COL24A1: variants seen among roughly 807,000 people sequenced by gnomAD.
The protein encoded by COL24A1 is collagen alpha-1(XXIV) chain.
A neutral mutation model predicts 253.9 loss-of-function variants in COL24A1; 224 were observed. That is an observed-to-expected ratio of 0.88 (90% CI 0.79 to 0.99). The LOEUF is 0.99. Among genes scored for constraint, COL24A1 ranks in the 50% least tolerant of loss-of-function variants. The pLI, the probability that COL24A1 is intolerant of heterozygous loss-of-function variation, is 0.00. For synonymous variants in COL24A1, 685 were observed against 673.7 expected (o/e 1.02, Z -0.26); for missense variants, 2,131 against 2,068.5 (o/e 1.03, Z -0.59).
chr1:85,772,898 C>T (rs892096536), intron 53 of COL24A1, among the ~76,000 whole-genome samples: 1 of 152,102 alleles, frequency 6.6e-6, no homozygotes, highest in Admixed American at 6.6e-5. Flanking sequence ...TCAATTTTGG[C>T]TTTTGTTGTC....
At chr1:86,114,836 G>A (rs985737939) in intron 4 of COL24A1, among the ~76,000 whole-genome samples, 1 of 152,016 alleles carries the variant, frequency 6.6e-6, no homozygotes, top group Admixed American at 6.6e-5. Flanking sequence ...TTTTAACATA[G>A]CAATAAGTCT....
chr1:85,817,321 A>G (rs1673138859), intron 46 of COL24A1, among the ~76,000 whole-genome samples: 1 of 152,208 alleles, frequency 6.6e-6, no homozygotes, highest in Non-Finnish European at 1.5e-5. Context: ...TTCAGCTGCC[A>G]CTTTGAATCA....
At chr1:85,899,028 A>G (rs756290442) in intron 28 of COL24A1, among the ~76,000 whole-genome samples, 6 of 152,208 alleles carry the variant, frequency 3.9e-5, no homozygotes, top group Non-Finnish European at 8.8e-5. Flanking sequence ...CCGAAGATGA[A>G]AAAAGAACAG....
intron 35 of COL24A1, 93 bp downstream of exon 35, chr1:85,874,556 A>C (rs1680909949): frequency 1.8e-6 from 2 of 1,129,624 alleles, no homozygotes; most frequent in South Asian, 3.0e-5. Context: ...AGAAAGGTTT[A>C]TTATCCAATT....
intron 39 of COL24A1, among the ~76,000 whole-genome samples, chr1:85,846,513 T>C (rs145233599): frequency 2.1e-3 from 322 of 151,986 alleles, no homozygotes; most frequent in African/African-American, 7.4e-3. Context: ...ATATTAATAT[T>C]TTAAGCATAT....
At chr1:85,781,343 T>G in intron 51 of COL24A1, 70 bp from the exon 52 acceptor site, 9 of 1,063,342 alleles carry the variant, frequency 8.5e-6, no homozygotes, top group Non-Finnish European at 9.7e-6. Flanking sequence ...ACAGAATCTC[T>G]TGTACAATGG....
At chr1:86,071,499 T>C (rs749638329) in intron 7 of COL24A1, among the ~76,000 whole-genome samples, 13 of 151,986 alleles carry the variant, frequency 8.6e-5, no homozygotes, top group Non-Finnish European at 1.6e-4. Flanking sequence ...TCTTTGCCTA[T>C]AAGAAACACA....
intron 47 of COL24A1, among the ~76,000 whole-genome samples, chr1:85,788,723 G>T (rs1669963311): frequency 6.6e-6 from 1 of 152,158 alleles, no homozygotes; most frequent in African/African-American, 2.4e-5. Flanking sequence ...AATCCATCAT[G>T]AGTTAATCTT....
At chr1:85,804,228 AC>A (rs1270177488) in intron 47 of COL24A1, among the ~76,000 whole-genome samples, 3 of 152,204 alleles carry the variant, frequency 2.0e-5, no homozygotes, top group African/African-American at 7.2e-5. Flanking sequence ...GTCTATAAAA[AC>A]AAAGGGATAT....
intron 10 of COL24A1, among the ~76,000 whole-genome samples, chr1:86,052,140 T>G (rs1700356251): frequency 6.6e-6 from 1 of 152,028 alleles, no homozygotes; most frequent in Admixed American, 6.6e-5. Context: ...GAAATTGAAG[T>G]AGAGATACAG....
chr1:86,043,536 A>AT (rs904961300), intron 12 of COL24A1, among the ~76,000 whole-genome samples: 21 of 149,214 alleles, frequency 1.4e-4, no homozygotes, highest in East Asian at 7.8e-4. Flanking sequence ...TTTATTTTTC[A>AT]TTTTTTTTTT....
intron 47 of COL24A1, among the ~76,000 whole-genome samples, chr1:85,814,616 A>G (rs1014717211): frequency 6.6e-6 from 1 of 152,340 alleles, no homozygotes; most frequent in East Asian, 1.9e-4. Context: ...GGCAATTCAG[A>G]TTTCCATAAT....
At chr1:86,064,089 T>C (rs1701307854) in intron 7 of COL24A1, among the ~76,000 whole-genome samples, 1 of 152,244 alleles carries the variant, frequency 6.6e-6, no homozygotes, top group South Asian at 2.1e-4. Flanking sequence ...GCAATGGATA[T>C]GTTAAGTTTG....
rs11161726 is a variant in COL24A1, at chr1:86,059,151, A to G, written c.1776T>C (p.Asn592=). 511 of 1,611,698 alleles carry G rather than the reference A, an allele frequency of 3.2e-4. 2 individuals are homozygous for G. The African/African-American group carries it at 6.4e-3, about 20-fold the overall frequency. The change falls in exon 9 of 60, where the codon AAT becomes AAC. Residue 592 remains asparagine (N), a synonymous_variant. Coordinates refer to ENST00000370571, the MANE Select transcript of COL24A1 (RefSeq NM_152890.7). ...TGCCAGGGTAACCGGGTGAACCAATATTACCAGCAAATCCTGGAATTCCCT... is the reference window on the plus strand; with the variant it reads ...TGCCAGGGTAACCGGGTGAACCAATGTTACCAGCAAATCCTGGAATTCCCT... ...GEQGIPGFAG[N]IGSPGYPGRQ...
At chr1:85,924,500 G>A (rs1686947803) in intron 24 of COL24A1, among the ~76,000 whole-genome samples, 1 of 152,214 alleles carries the variant, frequency 6.6e-6, no homozygotes, top group South Asian at 2.1e-4. Context: ...TCCCTGGGAT[G>A]CAAGGCTGGT....
At chr1:85,943,263 C>G (rs1424012064) in intron 24 of COL24A1, among the ~76,000 whole-genome samples, 2 of 152,194 alleles carry the variant, frequency 1.3e-5, no homozygotes, top group African/African-American at 4.8e-5. Context: ...GTCCTGAGGC[C>G]TTTGTACTTG....
chr1:85,862,901 T>C lies in COL24A1; in HGVS notation c.3300+5618A>G, dbSNP rs138457272. ...GATGGCATTGAATCTATAAATTACC[T>C]TGGGCAATATGGCCATTTTCATGAT... On this transcript the variant is annotated intron_variant, in intron 37 of 59. Coordinates refer to ENST00000370571, the MANE Select transcript of COL24A1 (RefSeq NM_152890.7). Among the ~76,000 whole-genome samples, 17 of 152,332 alleles carry C rather than the reference T, an allele frequency of 1.1e-4. No individual in the cohort carries two copies. The East Asian group carries it at 2.9e-3, about 26-fold the overall frequency.
chr1:85,906,338 A>G (rs1255338067), intron 28 of COL24A1, among the ~76,000 whole-genome samples: 2 of 125,234 alleles, frequency 1.6e-5, no homozygotes, highest in African/African-American at 5.9e-5. Flanking sequence ...AAGCTCTAAA[A>G]CTTAAATCAA....
chr1:86,152,478 A>G (rs937585459), intron 1 of COL24A1, among the ~76,000 whole-genome samples: 6 of 152,330 alleles, frequency 3.9e-5, no homozygotes, highest in Non-Finnish European at 8.8e-5. Flanking sequence ...CTTGGGTCCC[A>G]TCCCCAAGAT....
Sources: gnomAD v4.1 joint callset for allele counts (sites outside exome capture counted in the v4.1 genomes callset) on GRCh38, gnomAD v4.1.1 for gene constraint, MANE v1.5 for transcripts, NCBI Gene and HGNC (gene_info 2026-07-23, HGNC 2026-07-21) for gene names.